RNF19A: variants seen among roughly 807,000 people sequenced by gnomAD.
RNF19A encodes E3 ubiquitin-protein ligase RNF19A.
RNF19A carries 32 observed loss-of-function variants against 75.7 expected under a neutral mutation model. The ratio of observed to expected loss-of-function variants is 0.42; its 90% confidence interval spans 0.32 to 0.57. The LOEUF (loss-of-function observed/expected upper bound fraction) is 0.57. Among genes scored for constraint, RNF19A ranks in the 20% least tolerant of loss-of-function variants. The probability of loss-of-function intolerance (pLI) is 0.10; values close to 1 mark genes in which losing one functional copy is unlikely to be tolerated. For missense variants in RNF19A, 782 were observed against 1,036.3 expected (o/e 0.75, Z 3.37); for synonymous variants, 335 against 345.2 (o/e 0.97, Z 0.33).
At chr8:100,280,574 G>A (rs542198690) in intron 2 of RNF19A, among the ~76,000 whole-genome samples, 2 of 152,208 alleles carry the variant, frequency 1.3e-5, no homozygotes, top group African/African-American at 4.8e-5. Flanking sequence ...TACAAATTCC[G>A]AAGAAAAACA....
intron 3 of RNF19A, among the ~76,000 whole-genome samples, chr8:100,270,855 G>T (rs923780183): frequency 1.3e-5 from 2 of 152,082 alleles, no homozygotes; most frequent in Non-Finnish European, 2.9e-5. Context: ...AATGCACAAT[G>T]GCGTCAAGTT....
chr8:100,266,978 C>T (rs1563835890), intron 5 of RNF19A, among the ~76,000 whole-genome samples: 2 of 152,096 alleles, frequency 1.3e-5, no homozygotes, highest in Non-Finnish European at 2.9e-5. Context: ...AGCTGTTTTA[C>T]AGAAGAAGAT....
In RNF19A at chr8:100,287,110, A is replaced by T. The variant is rs1821059451; in HGVS notation, c.674+391T>A. 6.6e-6 allele frequency among the ~76,000 whole-genome samples: 1 copy of T among 152,160 alleles called. No individual in the cohort carries two copies. ...TATGAGAAACATGTCAACAAAGAGA[A>T]AAAAAATAAAGAAGGTCATTTGAAT... On this transcript the variant is annotated intron_variant, in intron 2 of 9. Coordinates refer to ENST00000341084, the MANE Select transcript of RNF19A (RefSeq NM_183419.4). This position sits in a 1 kb window ranked among gnomAD's most constrained non-coding sequence, Gnocchi z 4.1.
At position 100,309,892 on chromosome 8, in the gene RNF19A, C is replaced by T; in HGVS notation, c.-119G>A. ...CTTTAACTCCTCAGAGCGGCGGCAG[C>T]GCAGGGTGGCGGGCGAGTAGGCCCA... On this transcript the variant is annotated 5_prime_UTR_variant, in exon 1 of 10. Coordinates refer to ENST00000341084, the MANE Select transcript of RNF19A (RefSeq NM_183419.4). The T allele has an allele frequency of 1.0e-6, 1 of 985,712 alleles. No individual in the cohort carries two copies. The highest frequency in any genetic ancestry group is 1.2e-6 in the Non-Finnish European group (1 of 830,150). 61.1% of individuals were successfully genotyped at this position (985,712 alleles called of 1,614,324 possible). A position where few individuals can be genotyped will look rare whatever the true frequency, so the allele number is the denominator to read the frequency against.
intron 2 of RNF19A, among the ~76,000 whole-genome samples, chr8:100,286,270 A>C (rs1433754549): frequency 1.3e-5 from 2 of 152,184 alleles, no homozygotes; most frequent in African/African-American, 4.8e-5. Context: ...CTGCCATTAC[A>C]CCTGGAAACA....
intron 2 of RNF19A, among the ~76,000 whole-genome samples, chr8:100,279,514 CAAGCGTGAGCCA>C (rs563517527): frequency 5.4e-4 from 82 of 152,156 alleles, no homozygotes; most frequent in African/African-American, 1.9e-3. Flanking sequence ...ACTGAGATTA[CAAGCGTGAGCCA>C]CCAGACCTGG....
At chr8:100,327,254 T>TC (rs1341379677) in intron 1 of RNF19A, among the ~76,000 whole-genome samples, 2 of 136,864 alleles carry the variant, frequency 1.5e-5, no homozygotes, top group East Asian at 4.0e-4. Context: ...TCTTTTTTTT[T>TC]TTTTTTTTTT....
intron 2 of RNF19A, among the ~76,000 whole-genome samples, chr8:100,286,476 G>A (rs2129915539): frequency 6.6e-6 from 1 of 152,218 alleles, no homozygotes; most frequent in South Asian, 2.1e-4. Flanking sequence ...AGAAATCCTT[G>A]GTGGATGGTA....
chr8:100,267,235 T>G (rs186996612), intron 5 of RNF19A, among the ~76,000 whole-genome samples: 1 of 152,372 alleles, frequency 6.6e-6, no homozygotes, highest in Non-Finnish European at 1.5e-5. Flanking sequence ...TCTTTGTGTG[T>G]AACTGAAGAT....
At chr8:100,311,717 C>CAAAAAAAAAAAA, upstream of RNF19A, among the ~76,000 whole-genome samples, 1 of 89,936 alleles carries the variant, frequency 1.1e-5, no homozygotes. Context: ...GACTCCGTCT[C>CAAAAAAAAAAAA]AAAAAAAAAA....
chr8:100,264,620 C>A lies in RNF19A; in HGVS notation c.1306+51G>T. 8.2e-7 allele frequency: 1 copy of A among 1,225,938 alleles called. No homozygotes were observed. The highest frequency in any genetic ancestry group is 1.2e-6 in the Non-Finnish European group (1 of 848,308). 75.9% of individuals were successfully genotyped at this position (1,225,938 alleles called of 1,614,324 possible). A position where few individuals can be genotyped will look rare whatever the true frequency, so the allele number is the denominator to read the frequency against. On this transcript the variant is annotated intron_variant, in intron 6 of 9. Transcript: ENST00000341084. This position sits in a 1 kb window ranked among gnomAD's most constrained non-coding sequence, Gnocchi z 4.7. ...AATTAAAAAAAATCCTTCCACAAAACTTTAACTCCATAAAATTGTAGGTAA... is the reference window on the plus strand; with the variant it reads ...AATTAAAAAAAATCCTTCCACAAAAATTTAACTCCATAAAATTGTAGGTAA...
rs1822502232 is a variant in RNF19A, at chr8:100,324,449, TG to T, written c.-242-11078del. On this transcript the variant is annotated intron_variant, in intron 1 of 3. Coordinates refer to the RNF19A transcript ENST00000519527. The surrounding 1 kb of genome is among the most constrained non-coding windows in gnomAD (Gnocchi z 4.2). ...AACAGGAAAACAAGTGTGGAATTCTTGTTTTTCTTTAAAACAAACAATGGAT... is the reference window on the plus strand; with the variant it reads ...AACAGGAAAACAAGTGTGGAATTCTTTTTTTCTTTAAAACAAACAATGGAT... Among the ~76,000 whole-genome samples the T allele has an allele frequency of 6.6e-6, 1 of 152,244 alleles. No homozygotes were observed. The highest frequency in any genetic ancestry group is 2.1e-4 in the South Asian group (1 of 4,828).
intron 2 of RNF19A, among the ~76,000 whole-genome samples, chr8:100,276,117 G>A (rs1166521215): frequency 1.3e-5 from 2 of 152,072 alleles, no homozygotes; most frequent in Admixed American, 6.6e-5. Flanking sequence ...CCAAACAAAT[G>A]AATATTTGTG....
In RNF19A at chr8:100,322,460, G is replaced by T. The variant is rs1822477151; in HGVS notation, c.-242-9088C>A. Among the ~76,000 whole-genome samples the T allele has an allele frequency of 6.6e-6, 1 of 152,196 alleles. No homozygotes were observed. The highest frequency in any genetic ancestry group is 1.5e-5 in the Non-Finnish European group (1 of 68,036). ...GAGTTAGGGCCTTGCCCTGGATTAGGCTTTGGCTTAAGGTTTAATCTTCTA... is the reference window on the plus strand; with the variant it reads ...GAGTTAGGGCCTTGCCCTGGATTAGTCTTTGGCTTAAGGTTTAATCTTCTA... On this transcript the variant is annotated intron_variant, in intron 1 of 3. Coordinates refer to the RNF19A transcript ENST00000519527. The surrounding 1 kb of genome is among the most constrained non-coding windows in gnomAD (Gnocchi z 5.1).
chr8:100,333,838 C>T lies in RNF19A; in HGVS notation c.-243+2270G>A, dbSNP rs147979095. On this transcript the variant is annotated intron_variant, in intron 1 of 3. Coordinates refer to the RNF19A transcript ENST00000519527. This position sits in a 1 kb window ranked among gnomAD's most constrained non-coding sequence, Gnocchi z 4.7. ...GTCTGTAAACAATAACAACAAAAAC[C>T]GAAAACACATTGTCTATCTTTATTT... is the stretch of plus-strand genomic sequence containing the variant. Among the ~76,000 whole-genome samples, 3 of 152,200 alleles carry T rather than the reference C, an allele frequency of 2.0e-5. No individual in the cohort carries two copies. In the East Asian group the frequency reaches 5.8e-4, roughly 29 times the overall value.
chr8:100,261,580 C>T lies in RNF19A; in HGVS notation c.1644G>A (p.Gly548=). 1 of 1,614,088 alleles carries T rather than the reference C, an allele frequency of 6.2e-7. No homozygotes were observed. The highest frequency in any genetic ancestry group is 8.5e-7 in the Non-Finnish European group (1 of 1,180,010). ...TTACCATGGCACTTCCTGACAGACT[C>T]CCCGTTATACTGGCTCCAGCTAGTG... ...TMALAGASIT[G]SLSGSAMVNC... is the part of the protein sequence containing the mutation. The change falls in exon 8 of 10, where the codon GGG becomes GGA. Residue 548 remains glycine, a synonymous_variant. Coordinates refer to ENST00000341084, the MANE Select transcript of RNF19A (RefSeq NM_183419.4). This position sits in a 1 kb window ranked among gnomAD's most constrained non-coding sequence, Gnocchi z 4.4.
intron 1 of RNF19A, among the ~76,000 whole-genome samples, chr8:100,318,775 CAT>C (rs1822421467): frequency 6.6e-6 from 1 of 152,216 alleles, no homozygotes; most frequent in Non-Finnish European, 1.5e-5. Context: ...ACCGGATTTA[CAT>C]AGCCCAATTT....
intron 1 of RNF19A, chr8:100,336,017 G>A (rs1231558538): frequency 1.3e-5 from 2 of 152,288 alleles, no homozygotes; most frequent in Non-Finnish European, 2.9e-5. Flanking sequence ...GAATTTGAAT[G>A]ACTGGTTAGC....
upstream of RNF19A, among the ~76,000 whole-genome samples, chr8:100,314,038 T>A (rs899108074): frequency 1.3e-5 from 2 of 151,802 alleles, no homozygotes; most frequent in Admixed American, 6.6e-5. The surrounding 1 kb of genome is among the most constrained non-coding windows in gnomAD (Gnocchi z 4.1). Flanking sequence ...CATGCCACCA[T>A]GCCTGGCTAA....
Sources: allele counts gnomAD v4.1 joint callset (sites outside exome capture counted in the v4.1 genomes callset), GRCh38; gene constraint gnomAD v4.1.1; non-coding constraint Gnocchi (gnomAD v3.1); transcripts MANE v1.5; gene names NCBI Gene and HGNC (gene_info 2026-07-23, HGNC 2026-07-21).